Variants in GJA10 observed in about 807,000 individuals in gnomAD.
GJA10 encodes the protein gap junction protein alpha 10.
For synonymous variants in GJA10, 239 were observed against 233.0 expected, an observed-to-expected ratio of 1.03 and a Z score of -0.23; for missense variants, 685 against 651.9, an observed-to-expected ratio of 1.05 and a Z score of -0.55.
chr6:89,894,989 G>A lies in GJA10; in HGVS notation c.521G>A (p.Gly174Asp), dbSNP rs1309921984. The change falls in exon 1 of 1, where the codon GGC becomes GAC. Residue 174 changes from glycine (G) to aspartate (D), a missense_variant. By Grantham distance (94) the Gly-to-Asp change is moderately conservative. Coordinates refer to ENST00000369352, the MANE Select transcript of GJA10 (RefSeq NM_032602.2). ...RSVLEVGFMI[G>D]QYILYGFQMH... ...GTGCTGGAAGTAGGATTCATGATAG[G>A]CCAATATATTCTCTATGGGTTTCAA... The A allele has an allele frequency of 4.3e-6, 7 of 1,614,102 alleles. No homozygotes were observed. The highest frequency in any genetic ancestry group is 1.7e-6 in the Non-Finnish European group (2 of 1,180,014).
chr6:89,894,544 C>T lies in GJA10; in HGVS notation c.76C>T (p.Leu26=). ...CTCAACCATAGTGGGGAAAATCTGG[C>T]TGACCATCCTCTTCATCTTCCGAAT... ...SHSTIVGKIW[L]TILFIFRMLV... is the part of the protein sequence containing the mutation. The change falls in exon 1 of 1, where the codon CTG becomes TTG. Residue 26 remains leucine (L), a synonymous_variant. Transcript: ENST00000369352. 1 of 1,614,222 alleles carries T rather than the reference C, an allele frequency of 6.2e-7. No homozygotes were observed. Among genetic ancestry groups the T allele is most frequent in the Non-Finnish European group, 8.5e-7 (1 of 1,180,038 alleles).
Position 89,895,502 on chromosome 6 carries a change from G to A in GJA10, c.1034G>A (p.Gly345Glu), listed in dbSNP as rs1393593243. The A allele has an allele frequency of 1.2e-6, 2 of 1,614,204 alleles. No homozygotes were observed. Among genetic ancestry groups the A allele is most frequent in the East Asian group, 2.2e-5 (1 of 44,886 alleles). The change falls in exon 1 of 1, where the codon GGA becomes GAA. Residue 345 changes from glycine to glutamate, a missense_variant. Gly to Glu is a moderately conservative substitution (Grantham distance 98). Coordinates refer to ENST00000369352, the MANE Select transcript of GJA10 (RefSeq NM_032602.2). Reference sequence around the variant, plus strand: ...CCGTGTCCCTGGGCTGGCAGTGCTGGAAATCAGCACCTGGGACAGCAATCA... The same window carrying A: ...CCGTGTCCCTGGGCTGGCAGTGCTGAAAATCAGCACCTGGGACAGCAATCA... ...HSPCPWAGSAGNQHLGQQSDH... is the reference protein window; with the variant it reads ...HSPCPWAGSAENQHLGQQSDH...
Position 89,894,483 on chromosome 6 carries a change from C to T in GJA10, c.15C>T (p.Asn5=). 1 of 1,612,278 alleles carries T rather than the reference C, an allele frequency of 6.2e-7. No homozygotes were observed. Among genetic ancestry groups the T allele is most frequent in the South Asian group, 1.1e-5 (1 of 90,994 alleles). ...AGTCTTTAACCATGGGGGACTGGAA[C>T]TTATTGGGTGGCATCCTAGAGGAAG... MGDW[N]LLGGILEEVH... is the part of the protein sequence containing the mutation. Residue 5 remains asparagine, a synonymous_variant, in exon 1 of 1, where the codon AAC becomes AAT. Coordinates refer to ENST00000369352, the MANE Select transcript of GJA10 (RefSeq NM_032602.2).
In GJA10 at chr6:89,895,560, G is replaced by GTACA; in HGVS notation, c.1093_1094insACAT (p.Ser365TyrfsTer13). ...CCTCATTTGGCCTGCAGAATACAAT[G>GTACA]TCTCAGTCCTGGCTAGGTACAACTA... On this transcript the variant is annotated frameshift_variant, in exon 1 of 2. Transcript: ENST00000638915. LOFTEE classifies it high-confidence loss of function. 5 of 1,614,162 alleles carry GTACA rather than the reference G, an allele frequency of 3.1e-6. No individual in the cohort carries two copies. The highest frequency in any genetic ancestry group is 4.2e-6 in the Non-Finnish European group (5 of 1,180,026).
Position 89,895,582 on chromosome 6 carries a change from A to G in GJA10, c.1114A>G (p.Thr372Ala). Reference protein sequence around the residue: ...NTMSQSWLGTTTAPRNCPSFA... With the variant: ...NTMSQSWLGTATAPRNCPSFA... ...AATGTCTCAGTCCTGGCTAGGTACA[A>G]CTACGGCTCCTAGAAACTGTCCATC... Residue 372 changes from threonine (T) to alanine (A), a missense_variant, in exon 1 of 1, where the codon ACT becomes GCT. Coordinates refer to ENST00000369352, the MANE Select transcript of GJA10 (RefSeq NM_032602.2). The G allele has an allele frequency of 6.2e-7, 1 of 1,614,188 alleles. No individual in the cohort carries two copies. The highest frequency in any genetic ancestry group is 8.5e-7 in the Non-Finnish European group (1 of 1,180,034).
In GJA10 at chr6:89,895,737, T is replaced by A. The variant is rs1257435208; in HGVS notation, c.1269T>A (p.Ser423=). 1 of 1,614,166 alleles carries A rather than the reference T, an allele frequency of 6.2e-7. No individual in the cohort carries two copies. Among genetic ancestry groups the A allele is most frequent in the African/African-American group, 1.3e-5 (1 of 75,026 alleles). Residue 423 remains serine, a synonymous_variant, in exon 1 of 1, where the codon TCT becomes TCA. Transcript: ENST00000369352. ...AGAGTGGGGTCTGGATAGACAGATCTCGCCCAGGCAGTCGCAAGGCCAGCT... is the reference window on the plus strand; with the variant it reads ...AGAGTGGGGTCTGGATAGACAGATCACGCCCAGGCAGTCGCAAGGCCAGCT... The part of the protein sequence containing the change: ...MRESGVWIDR[S]RPGSRKASFL...
Position 89,895,932 on chromosome 6 carries a change from C to T in GJA10, c.1464C>T (p.Ile488=), listed in dbSNP as rs1771756184. 2 of 1,614,048 alleles carry T rather than the reference C, an allele frequency of 1.2e-6. No individual in the cohort carries two copies. The highest frequency in any genetic ancestry group is 2.7e-5 in the African/African-American group (2 of 74,926). The change falls in exon 1 of 1, where the codon ATC becomes ATT. Residue 488 remains isoleucine (I), a synonymous_variant. Transcript: ENST00000369352. The stretch of plus-strand genomic sequence containing the variant: ...TGGTAAGACAGGCAGCCCTACCGAT[C>T]ATGGAACTATCACAAGAGCTGTTCC... ...TSMVRQAALP[I]MELSQELFHS...
rs1771716658 is a variant in GJA10, at chr6:89,894,788, G to A, written c.320G>A (p.Arg107Lys). Reference sequence around the variant, plus strand: ...AGGCTCAGGGCCTTTGAGAAAGACAGGCAGAGGAAAAAGTCACACCTTAGA... The same window carrying A: ...AGGCTCAGGGCCTTTGAGAAAGACAAGCAGAGGAAAAAGTCACACCTTAGA... Reference protein sequence around the residue: ...LYRLRAFEKDRQRKKSHLRAQ... With the variant: ...LYRLRAFEKDKQRKKSHLRAQ... The change falls in exon 1 of 1, where the codon AGG becomes AAG. Residue 107 changes from arginine (R) to lysine (K), a missense_variant. By Grantham distance (26) the Arg-to-Lys change is conservative (BLOSUM62 2). Coordinates refer to ENST00000369352, the MANE Select transcript of GJA10 (RefSeq NM_032602.2). 6.2e-7 allele frequency: 1 copy of A among 1,614,084 alleles called. No homozygotes were observed. Among genetic ancestry groups the A allele is most frequent in the African/African-American group, 1.3e-5 (1 of 74,922 alleles).
rs1490298579 is a variant in GJA10, at chr6:89,895,907, T to C, written c.1439T>C (p.Met480Thr). The C allele has an allele frequency of 1.2e-6, 2 of 1,614,156 alleles. No individual in the cohort carries two copies. Among genetic ancestry groups the C allele is most frequent in the South Asian group, 1.1e-5 (1 of 91,086 alleles). Residue 480 changes from methionine to threonine, a missense_variant, in exon 1 of 1, where the codon ATG becomes ACG. Coordinates refer to ENST00000369352, the MANE Select transcript of GJA10 (RefSeq NM_032602.2). ...LPSVTGHRTS[M>T]VRQAALPIME... is the part of the protein sequence containing the mutation. ...TCAGTCACTGGGCACAGAACATCAA[T>C]GGTAAGACAGGCAGCCCTACCGATC...
chr6:89,894,954 G>T lies in GJA10; in HGVS notation c.486G>T (p.Leu162Phe), dbSNP rs771720539. 1.1e-5 allele frequency: 18 copies of T among 1,614,142 alleles called. No homozygotes were observed. Among genetic ancestry groups the T allele is most frequent in the Non-Finnish European group, 1.4e-5 (16 of 1,180,032 alleles). ...CLLRTYVLHI[L>F]TRSVLEVGFM... ...TGCGTACTTATGTCTTACACATCTT[G>T]ACCAGATCTGTGCTGGAAGTAGGAT... The change falls in exon 1 of 1, where the codon TTG (leucine) becomes TTT (phenylalanine). Residue 162 changes from leucine (L) to phenylalanine (F), a missense_variant. By Grantham distance (22) the Leu-to-Phe change is conservative (BLOSUM62 0). Coordinates refer to ENST00000369352, the MANE Select transcript of GJA10 (RefSeq NM_032602.2).
Position 89,895,406 on chromosome 6 carries a change from T to G in GJA10, c.938T>G (p.Val313Gly). Residue 313 changes from valine (V) to glycine (G), a missense_variant, in exon 1 of 1, where the codon GTA becomes GGA. By Grantham distance (109) the Val-to-Gly change is moderately radical (BLOSUM62 -3). Coordinates refer to ENST00000369352, the MANE Select transcript of GJA10 (RefSeq NM_032602.2). ...WQIPQPRQLE[V>G]DPSNGKKDWS... ...ATCCCACAGCCAAGGCAACTTGAAG[T>G]AGACCCTTCCAATGGGAAAAAGGAC... is the stretch of plus-strand genomic sequence containing the variant. 1 of 1,614,204 alleles carries G rather than the reference T, an allele frequency of 6.2e-7. No individual in the cohort carries two copies. The highest frequency in any genetic ancestry group is 8.5e-7 in the Non-Finnish European group (1 of 1,180,028).
In GJA10 at chr6:89,895,468, G is replaced by A. The variant is rs1771741197; in HGVS notation, c.1000G>A (p.Val334Ile). ...GGATCAGCATAGCGGACAGCTCCAT[G>A]TTCACAGCCCGTGTCCCTGGGCTGG... Reference protein sequence around the residue: ...EKDQHSGQLHVHSPCPWAGSA... With the variant: ...EKDQHSGQLHIHSPCPWAGSA... The change falls in exon 1 of 1, where the codon GTT (valine) becomes ATT (isoleucine). Residue 334 changes from valine to isoleucine, a missense_variant. Coordinates refer to ENST00000369352, the MANE Select transcript of GJA10 (RefSeq NM_032602.2). 2 of 1,614,216 alleles carry A rather than the reference G, an allele frequency of 1.2e-6. No individual in the cohort carries two copies. Among genetic ancestry groups the A allele is most frequent in the East Asian group, 4.5e-5 (2 of 44,878 alleles).
chr6:89,894,510 T>G lies in GJA10; in HGVS notation c.42T>G (p.Val14=). Residue 14 remains valine (V), a synonymous_variant, in exon 1 of 1, where the codon GTT becomes GTG. Transcript: ENST00000369352. ...TATTGGGTGGCATCCTAGAGGAAGT[T>G]CACTCCCACTCAACCATAGTGGGGA... The part of the protein sequence containing the change: ...WNLLGGILEE[V]HSHSTIVGKI... 1 of 1,614,080 alleles carries G rather than the reference T, an allele frequency of 6.2e-7. No homozygotes were observed. Among genetic ancestry groups the G allele is most frequent in the Non-Finnish European group, 8.5e-7 (1 of 1,179,928 alleles).
Position 89,895,333 on chromosome 6 carries a change from C to T in GJA10, c.865C>T (p.Gln289Ter), listed in dbSNP as rs772377008. The T allele has an allele frequency of 2.5e-6, 4 of 1,614,216 alleles. No individual in the cohort carries two copies. Among genetic ancestry groups the T allele is most frequent in the Non-Finnish European group, 3.4e-6 (4 of 1,180,040 alleles). ...CTCTCCACTTCAAGCTAACAATCAA[C>T]AGCAAGTCATTCGAGTTAATGTGCC... The change falls in exon 1 of 2, where the codon CAG (glutamine) becomes TAG (stop). Residue 289 changes from glutamine (Q) to a stop codon, truncating the protein, a stop_gained. Coordinates refer to the GJA10 transcript ENST00000638915. LOFTEE classifies it high-confidence loss of function.
In GJA10 at chr6:89,894,990, C is replaced by T. The variant is rs1771722995; in HGVS notation, c.522C>T (p.Gly174=). The T allele has an allele frequency of 6.2e-7, 1 of 1,614,162 alleles. No individual in the cohort carries two copies. The highest frequency in any genetic ancestry group is 8.5e-7 in the Non-Finnish European group (1 of 1,180,024). ...TGCTGGAAGTAGGATTCATGATAGG[C>T]CAATATATTCTCTATGGGTTTCAAA... ...RSVLEVGFMI[G]QYILYGFQMH... is the part of the protein sequence containing the mutation. Residue 174 remains glycine, a synonymous_variant, in exon 1 of 1, where the codon GGC becomes GGT. Coordinates refer to ENST00000369352, the MANE Select transcript of GJA10 (RefSeq NM_032602.2).
Position 89,895,739 on chromosome 6 carries a change from G to C in GJA10, c.1271G>C (p.Arg424Pro), listed in dbSNP as rs756243298. ...RESGVWIDRS[R>P]PGSRKASFLS... ...AGTGGGGTCTGGATAGACAGATCTC[G>C]CCCAGGCAGTCGCAAGGCCAGCTTT... The change falls in exon 1 of 1, where the codon CGC (arginine) becomes CCC (proline). Residue 424 changes from arginine (R) to proline (P), a missense_variant. Physicochemically the swap from Arg to Pro is moderately radical, Grantham distance 103 (BLOSUM62 -2). Coordinates refer to ENST00000369352, the MANE Select transcript of GJA10 (RefSeq NM_032602.2). 1.9e-6 allele frequency: 3 copies of C among 1,614,030 alleles called. No homozygotes were observed. In the Admixed American group the frequency reaches 5.0e-5, roughly 27 times the overall value.
chr6:89,895,948 G>A lies in GJA10; in HGVS notation c.1480G>A (p.Glu494Lys), dbSNP rs745426800. The change falls in exon 1 of 1, where the codon GAG becomes AAG. Residue 494 changes from glutamate to lysine, a missense_variant. By Grantham distance (56) the Glu-to-Lys change is moderately conservative. Coordinates refer to ENST00000369352, the MANE Select transcript of GJA10 (RefSeq NM_032602.2). ...CCTACCGATCATGGAACTATCACAA[G>A]AGCTGTTCCATTCTGGATGCTTTCT... is the stretch of plus-strand genomic sequence containing the variant. ...AALPIMELSQELFHSGCFLFP... is the reference protein window; with the variant it reads ...AALPIMELSQKLFHSGCFLFP... 3 of 1,614,022 alleles carry A rather than the reference G, an allele frequency of 1.9e-6. No homozygotes were observed. The highest frequency in any genetic ancestry group is 2.5e-6 in the Non-Finnish European group (3 of 1,180,038).
Position 89,895,549 on chromosome 6 carries a change from C to T in GJA10, c.1081C>T (p.Gln361Ter). The change falls in exon 1 of 2, where the codon CAG (glutamine) becomes TAG (stop). Residue 361 changes from glutamine to a stop codon, truncating the protein, a stop_gained. Transcript: ENST00000638915. LOFTEE classifies it high-confidence loss of function. ...ATCAGACCATTCCTCATTTGGCCTGCAGAATACAATGTCTCAGTCCTGGCT... is the reference window on the plus strand; with the variant it reads ...ATCAGACCATTCCTCATTTGGCCTGTAGAATACAATGTCTCAGTCCTGGCT... The T allele has an allele frequency of 6.2e-7, 1 of 1,614,202 alleles. No individual in the cohort carries two copies. Among genetic ancestry groups the T allele is most frequent in the Non-Finnish European group, 8.5e-7 (1 of 1,180,040 alleles).
At position 89,895,961 on chromosome 6, in the gene GJA10, C is replaced by G. The variant is rs780429118; in HGVS notation, c.1493C>G (p.Ser498Cys). 2 of 1,614,160 alleles carry G rather than the reference C, an allele frequency of 1.2e-6. No homozygotes were observed. The highest frequency in any genetic ancestry group is 2.2e-5 in the South Asian group (2 of 91,088). ...IMELSQELFH[S>C]GCFLFPFFLP... The stretch of plus-strand genomic sequence containing the variant: ...GAACTATCACAAGAGCTGTTCCATT[C>G]TGGATGCTTTCTTTTTCCTTTCTTT... Residue 498 changes from serine to cysteine, a missense_variant, in exon 1 of 1, where the codon TCT (serine) becomes TGT (cysteine). By Grantham distance (112) the Ser-to-Cys change is moderately radical. Coordinates refer to ENST00000369352, the MANE Select transcript of GJA10 (RefSeq NM_032602.2).
Sources: gnomAD v4.1 joint callset for allele counts on GRCh38, gnomAD v4.1.1 for gene constraint, MANE v1.5 for transcripts, NCBI Gene and HGNC (gene_info 2026-07-23, HGNC 2026-07-21) for gene names.